KIZ: variants seen among roughly 807,000 people sequenced by gnomAD.
KIZ encodes the protein centrosomal protein kizuna.
Under a neutral mutation model 79.6 loss-of-function variants are expected in KIZ, and 68 were observed. The observed-to-expected ratio is 0.85, with a 90% CI of 0.70 to 1.05. The LOEUF is 1.05. Among genes scored for constraint, KIZ ranks in the 50% least tolerant of loss-of-function variants. The pLI is 0.00. For missense variants in KIZ, 797 were observed against 800.4 expected, an observed-to-expected ratio of 1.00 and a Z score of 0.05; for synonymous variants, 280 against 281.8, an observed-to-expected ratio of 0.99 and a Z score of 0.06.
chr20:21,146,272 C>G lies in KIZ; in HGVS notation c.405+618C>G, dbSNP rs1419752417. ...ACATCTTGTAATAACTTGGAGCATGCTGGCAAGAGTAGTCACTTGTGACTA... is the reference window on the plus strand; with the variant it reads ...ACATCTTGTAATAACTTGGAGCATGGTGGCAAGAGTAGTCACTTGTGACTA... On this transcript the variant is annotated intron_variant, in intron 4 of 12. Coordinates refer to ENST00000619189, the MANE Select transcript of KIZ (RefSeq NM_018474.6). Among the ~76,000 whole-genome samples the G allele has an allele frequency of 9.2e-5, 13 of 141,370 alleles. No homozygotes were observed. The Admixed American group carries it at 9.5e-4, about 10-fold the overall frequency. The allele number at this position is 141,370 out of a possible 152,430, so 92.7% of individuals were successfully genotyped here.
chr20:21,131,345 G>A lies in KIZ; in HGVS notation c.90-752G>A, dbSNP rs376514844. ...AGTAGCTCCAGGAAAACAGCAACCTGTGACAAATAATGACACCATTACAGA... is the reference window on the plus strand; with the variant it reads ...AGTAGCTCCAGGAAAACAGCAACCTATGACAAATAATGACACCATTACAGA... On this transcript the variant is annotated intron_variant, in intron 1 of 12. Transcript: ENST00000619189. Among the ~76,000 whole-genome samples, 14 of 152,334 alleles carry A rather than the reference G, an allele frequency of 9.2e-5. No homozygotes were observed. The East Asian group carries it at 9.6e-4, about 10-fold the overall frequency.
rs752922558 is a variant in KIZ, at chr20:21,163,067, A to G, written c.1260A>G (p.Arg420=). The change falls in exon 6 of 13, where the codon AGA becomes AGG. Residue 420 remains arginine, a synonymous_variant. Coordinates refer to ENST00000619189, the MANE Select transcript of KIZ (RefSeq NM_018474.6). Reference sequence around the variant, plus strand: ...AATTAATCCATGCTGAGCAAGAAAGAGTTGCCCTATCCACTGAAAAAAATT... The same window carrying G: ...AATTAATCCATGCTGAGCAAGAAAGGGTTGCCCTATCCACTGAAAAAAATT... ...ALKLIHAEQE[R]VALSTEKNCI... 2 of 1,613,800 alleles carry G rather than the reference A, an allele frequency of 1.2e-6. No individual in the cohort carries two copies. The highest frequency in any genetic ancestry group is 1.7e-6 in the Non-Finnish European group (2 of 1,179,680).
rs180839368 is a variant in KIZ at position 21,146,659 on chromosome 20, A to G, written c.405+1005A>G. ...TGCCTGGCTGCCAGTAAATGTTATT[A>G]TGCAGTTAACTGTTGGGTATTTAAG... is the stretch of plus-strand genomic sequence containing the variant. On this transcript the variant is annotated intron_variant, in intron 4 of 12. Transcript: ENST00000619189. Among the ~76,000 whole-genome samples, 521 of 152,306 alleles carry G rather than the reference A, an allele frequency of 3.4e-3. 2 individuals carry two copies. The highest frequency in any genetic ancestry group is 5.9e-3 in the Non-Finnish European group (401 of 68,014).
At chr20:21,217,928 T>C (rs891186384) in intron 9 of KIZ, among the ~76,000 whole-genome samples, 5 of 152,092 alleles carry the variant, frequency 3.3e-5, no homozygotes, top group African/African-American at 1.2e-4. Flanking sequence ...AAAGTGCCAT[T>C]GTGAGACGAG....
intron 6 of KIZ, among the ~76,000 whole-genome samples, chr20:21,178,375 A>T (rs1398610619): frequency 6.6e-6 from 1 of 152,008 alleles, no homozygotes; most frequent in Non-Finnish European, 1.5e-5. Context: ...TCATATTCAG[A>T]CAGTTTGTTG....
intron 6 of KIZ, among the ~76,000 whole-genome samples, chr20:21,199,523 T>C (rs911893466): frequency 2.6e-5 from 4 of 152,180 alleles, no homozygotes; most frequent in Admixed American, 1.3e-4. Context: ...TCTCTAGCCT[T>C]GAAAAAAGTG....
At chr20:21,227,047 T>C (rs1374026535) in intron 9 of KIZ, among the ~76,000 whole-genome samples, 1 of 152,188 alleles carries the variant, frequency 6.6e-6, no homozygotes, top group Non-Finnish European at 1.5e-5. Flanking sequence ...AAAGGGCTCA[T>C]CTTTTCCAGA....
At chr20:21,162,528 TG>T in intron 5 of KIZ, 21 bp downstream of exon 5, 6 of 1,586,644 alleles carry the variant, frequency 3.8e-6, no homozygotes, top group Non-Finnish European at 5.1e-6. Context: ...AGGCTGAGTT[TG>T]GTTGCTGATT....
chr20:21,223,873 T>C (rs1012001651), intron 9 of KIZ, among the ~76,000 whole-genome samples: 2 of 152,150 alleles, frequency 1.3e-5, no homozygotes, highest in African/African-American at 4.8e-5. Context: ...AGACGGGGTT[T>C]CACCATGTTG....
At chr20:21,177,108 A>T (rs765027652) in intron 6 of KIZ, among the ~76,000 whole-genome samples, 1 of 151,496 alleles carries the variant, frequency 6.6e-6, no homozygotes, top group Non-Finnish European at 1.5e-5. Flanking sequence ...ATTATTTTGG[A>T]TAAATACCCA....
At chr20:21,127,189 T>G (rs1478973172) in intron 1 of KIZ, among the ~76,000 whole-genome samples, 1 of 152,218 alleles carries the variant, frequency 6.6e-6, no homozygotes, top group Non-Finnish European at 1.5e-5. Context: ...ACAGGCTTCC[T>G]TAATTGTCGT....
At chr20:21,244,377 G>A in intron 12 of KIZ, 89 bp downstream of exon 12, 1 of 911,270 alleles carries the variant, frequency 1.1e-6, no homozygotes, top group African/African-American at 1.6e-5. Flanking sequence ...ACCCTCATGT[G>A]AGTCCTGAAG....
chr20:21,228,769 A>T (rs1052498982), intron 9 of KIZ, among the ~76,000 whole-genome samples: 12 of 152,136 alleles, frequency 7.9e-5, no homozygotes, highest in Non-Finnish European at 1.5e-4. Flanking sequence ...CCACAGACCC[A>T]CTCAAAATAA....
intron 6 of KIZ, among the ~76,000 whole-genome samples, chr20:21,188,297 G>A (rs2034967607): frequency 6.6e-6 from 1 of 152,174 alleles, no homozygotes; most frequent in African/African-American, 2.4e-5. Flanking sequence ...AGAATGAACA[G>A]ACAGGCCTGG....
intron 6 of KIZ, among the ~76,000 whole-genome samples, chr20:21,180,240 T>C (rs2034597291): frequency 6.9e-6 from 1 of 144,786 alleles, no homozygotes. Context: ...CTTTGCTCCT[T>C]TTTTTTTTTT....
chr20:21,167,176 C>A (rs1327427747), intron 6 of KIZ, among the ~76,000 whole-genome samples: 1 of 152,196 alleles, frequency 6.6e-6, no homozygotes, highest in Admixed American at 6.5e-5. Context: ...ACTTCTGTCT[C>A]ATGGGAACTA....
chr20:21,232,616 C>A, intron 10 of KIZ, 118 bp from the exon 11 acceptor site: 22 of 631,680 alleles, frequency 3.5e-5, no homozygotes, highest in Middle Eastern at 2.6e-4. Context: ...GTGGCTTGAA[C>A]AGCATCTTCC....
chr20:21,139,946 T>A (rs992321010), intron 3 of KIZ, among the ~76,000 whole-genome samples: 1 of 152,112 alleles, frequency 6.6e-6, no homozygotes, highest in African/African-American at 2.4e-5. Context: ...AGGATGTGAG[T>A]TCCATGGAGA....
intron 12 of KIZ, chr20:21,246,092 C>T (rs1047264940): frequency 4.9e-6 from 1 of 202,478 alleles, no homozygotes; most frequent in African/African-American, 2.4e-5. Context: ...CCTCTCTGCT[C>T]TCATAAAGAA....
Sources: allele counts gnomAD v4.1 joint callset (sites outside exome capture counted in the v4.1 genomes callset), GRCh38; gene constraint gnomAD v4.1.1; transcripts MANE v1.5; gene names NCBI Gene and HGNC (gene_info 2026-07-23, HGNC 2026-07-21).